TTN: variants seen among roughly 807,000 people sequenced by gnomAD.
TTN encodes connectin.
A neutral mutation model predicts 3,223.0 loss-of-function variants in TTN; 1,525 were observed. The ratio of observed to expected loss-of-function variants is 0.47; its 90% CI spans 0.45 to 0.49. TTN has a LOEUF of 0.49. TTN is among the 20% of genes least tolerant of loss of function. The pLI is 0.00. For missense variants in TTN, 40,786 were observed against 43,424.0 expected (o/e 0.94, Z 5.40); for synonymous variants, 14,094 against 15,161.0 (o/e 0.93, Z 5.17).
In TTN at chr2:178,578,690, G is replaced by A; in HGVS notation, c.68250C>T (p.Pro22750=). 1 of 1,611,142 alleles carries A rather than the reference G, an allele frequency of 6.2e-7. No individual in the cohort carries two copies. The highest frequency in any genetic ancestry group is 8.5e-7 in the Non-Finnish European group (1 of 1,178,916). Residue 22750 remains proline, a synonymous_variant, in exon 321 of 363, where the codon CCC becomes CCT. Coordinates refer to ENST00000589042, the MANE Select transcript of TTN (RefSeq NM_001267550.2). ...PFDVPDAPPP[P]NIVDVRHDSV... The stretch of plus-strand genomic sequence containing the variant: ...AATCGTGTCTGACATCCACAATATT[G>A]GGAGGTGGGGGAGCATCAGGCACAT...
chr2:178,620,087 T>C lies in TTN; in HGVS notation c.46330A>G (p.Ile15444Val), dbSNP rs1333036641. 6.2e-7 allele frequency: 1 copy of C among 1,610,626 alleles called. No individual in the cohort carries two copies. The highest frequency in any genetic ancestry group is 2.2e-5 in the East Asian group (1 of 44,650). Residue 15444 changes from isoleucine (I) to valine (V), a missense_variant, in exon 249 of 363, where the codon ATA (isoleucine) becomes GTA (valine). Coordinates refer to ENST00000589042, the MANE Select transcript of TTN (RefSeq NM_001267550.2). ...CAATCTTTTATAATGAGTCTGTGTA[T>C]ACTTCCATCTTTTTCAAATTTGTAT... is the stretch of plus-strand genomic sequence containing the variant. ...KKYKFEKDGS[I>V]HRLIIKDCRL...
intron 47 of TTN, chr2:178,750,357 TAATAGA>T: frequency 1.2e-6 from 2 of 1,613,252 alleles, no homozygotes; most frequent in Non-Finnish European, 1.7e-6. Flanking sequence ...AGCACACAAG[TAATAGA>T]ACCTTCATTC....
In TTN at chr2:178,580,332, C is replaced by T; in HGVS notation, c.67047G>A (p.Val22349=). The T allele has an allele frequency of 6.2e-7, 1 of 1,612,520 alleles. No individual in the cohort carries two copies. The highest frequency in any genetic ancestry group is 8.5e-7 in the Non-Finnish European group (1 of 1,179,286). ...SCGKKEYTIV[V]KVLDTPGPPV... ...TTGAAATAGACTTACCAAGCACTTT[C>T]ACAACAATGGTATATTCCTTTTTAC... The change falls in exon 317 of 363, where the codon GTG becomes GTA. Residue 22349 remains valine (V), a synonymous_variant. Transcript: ENST00000589042.
At position 178,594,743 on chromosome 2, in the gene TTN, A is replaced by G. The variant is rs1232078934; in HGVS notation, c.57848-97T>C. The G allele has an allele frequency of 1.1e-5, 11 of 1,003,754 alleles. No homozygotes were observed. In the East Asian group the frequency reaches 2.5e-4, roughly 22 times the overall value. 62.2% of individuals were successfully genotyped at this position (1,003,754 alleles called of 1,614,324 possible). On this transcript the variant is annotated intron_variant, in intron 295 of 362. Coordinates refer to ENST00000589042, the MANE Select transcript of TTN (RefSeq NM_001267550.2). The stretch of plus-strand genomic sequence containing the variant: ...ATTCCTTTTCTGAAGATTGCATTTA[A>G]ACATTAAACTCTCTGCTCCCATAAA...
chr2:178,557,008 C>G lies in TTN; in HGVS notation c.88146G>C (p.Trp29382Cys), dbSNP rs937554101. ...VERRDLPDGR[W>C]TKASFTNVTE... ...TAACATTGGTGAAGCTGGCCTTGGT[C>G]CATCTGCCATCTGGAAGGTCACGTC... Residue 29382 changes from tryptophan (W) to cysteine (C), a missense_variant, in exon 330 of 363, where the codon TGG (tryptophan) becomes TGC (cysteine). By Grantham distance (215) the Trp-to-Cys change is radical. Coordinates refer to ENST00000589042, the MANE Select transcript of TTN (RefSeq NM_001267550.2). 10 of 1,613,634 alleles carry G rather than the reference C, an allele frequency of 6.2e-6. No individual in the cohort carries two copies. The highest frequency in any genetic ancestry group is 1.3e-5 in the African/African-American group (1 of 74,894).
At chr2:178,746,382 G>A in intron 47 of TTN, 2 of 1,610,158 alleles carry the variant, frequency 1.2e-6, no homozygotes, top group East Asian at 2.2e-5. Context: ...ATACTTTTAT[G>A]GTCAGGAGTA....
In TTN at chr2:178,531,687, G is replaced by A; in HGVS notation, c.104928C>T (p.Tyr34976=). The change falls in exon 358 of 363, where the codon TAC becomes TAT. Residue 34976 remains tyrosine (Y), a synonymous_variant. Transcript: ENST00000589042. ...QSKPTAEVKW[Y]HNGVELQESS... is the part of the protein sequence containing the mutation. ...TTTCTTGGAGTTCCACACCATTGTG[G>A]TACCATTTAACCTCGGCAGTTGGCT... is the stretch of plus-strand genomic sequence containing the variant. 1.2e-6 allele frequency: 2 copies of A among 1,613,948 alleles called. No homozygotes were observed. The highest frequency in any genetic ancestry group is 1.7e-6 in the Non-Finnish European group (2 of 1,179,866).
chr2:178,753,004 G>T, intron 47 of TTN, 120 bp downstream of exon 47: 2 of 743,560 alleles, frequency 2.7e-6, no homozygotes, highest in Non-Finnish European at 4.5e-6. Context: ...TACTCTAAGA[G>T]ATATATTTGT....
In TTN at chr2:178,566,754, T is replaced by G; in HGVS notation, c.79378A>C (p.Arg26460=). ...GLTEDHEYEF[R]VSAENAAGVG... ...CCAGCAGCATTTTCTGCAGAGACCC[T>G]GAATTCATACTCATGATCTTCTGTT... The change falls in exon 326 of 363, where the codon AGG becomes CGG. Residue 26460 remains arginine (R), a synonymous_variant. Transcript: ENST00000589042. 1 of 1,613,422 alleles carries G rather than the reference T, an allele frequency of 6.2e-7. No individual in the cohort carries two copies. The highest frequency in any genetic ancestry group is 8.5e-7 in the Non-Finnish European group (1 of 1,179,682).
intron 29 of TTN, 99 bp downstream of exon 29, chr2:178,774,822 A>T: frequency 1.4e-6 from 2 of 1,379,758 alleles, no homozygotes; most frequent in Non-Finnish European, 2.0e-6. Context: ...ATTTCCAAAT[A>T]ATTGTTTCAT....
chr2:178,671,049 T>C (rs759456174), intron 156 of TTN, 41 bp downstream of exon 156: 25 of 1,472,544 alleles, frequency 1.7e-5, no homozygotes, highest in Non-Finnish European at 2.2e-5. Context: ...AAGGTGCTAT[T>C]GTATGTAAAG....
rs77643383 is a variant in TTN, at chr2:178,707,361, T to C, written c.29041+165A>G. On this transcript the variant is annotated intron_variant, in intron 100 of 362. Transcript: ENST00000589042. ...ATACTTTGTATTGACATTATTTCTG[T>C]TAAATTACCTAATATTTCAATTATA... Among the ~76,000 whole-genome samples, 1,906 of 152,326 alleles carry C rather than the reference T, an allele frequency of 0.013. 17 individuals are homozygous for C. The highest frequency in any genetic ancestry group is 0.021 in the Non-Finnish European group (1,413 of 68,026).
rs1364212803 is a variant in TTN, at chr2:178,731,115, C to G, written c.17550G>C (p.Lys5850Asn). Residue 5850 changes from lysine to asparagine, a missense_variant, in exon 60 of 363, where the codon AAG becomes AAC. Lys to Asn is a moderately conservative substitution (Grantham distance 94). Coordinates refer to ENST00000589042, the MANE Select transcript of TTN (RefSeq NM_001267550.2). ...ATLQVKFSGT[K>N]EITAKWFKDG... ...CTTTAAACCATTTGGCTGTAATCTCCTTAGTCCCTGAAAATTTAACCTGCA... is the reference window on the plus strand; with the variant it reads ...CTTTAAACCATTTGGCTGTAATCTCGTTAGTCCCTGAAAATTTAACCTGCA... 8.1e-6 allele frequency: 13 copies of G among 1,613,584 alleles called. No individual in the cohort carries two copies. The highest frequency in any genetic ancestry group is 1.1e-5 in the Non-Finnish European group (13 of 1,179,730).
intron 41 of TTN, among the ~76,000 whole-genome samples, chr2:178,765,159 T>C (rs562259133): frequency 8.7e-4 from 132 of 152,322 alleles, no homozygotes; most frequent in African/African-American, 3.1e-3. Flanking sequence ...GTGTGCTACC[T>C]ATTTTTAAAA....
chr2:178,738,710 G>A (rs1345846076), intron 48 of TTN, among the ~76,000 whole-genome samples: 2 of 151,966 alleles, frequency 1.3e-5, no homozygotes, highest in Admixed American at 6.6e-5. Context: ...TAAATAAAGT[G>A]ATGAAGTGAA....
intron 259 of TTN, 58 bp from the exon 260 acceptor site, chr2:178,615,026 A>G: frequency 7.0e-7 from 1 of 1,436,146 alleles, no homozygotes; most frequent in Non-Finnish European, 9.5e-7. Flanking sequence ...TTCATTGTGT[A>G]GTACTCATAA....
chr2:178,643,526 T>C (rs1171111893), intron 218 of TTN, among the ~76,000 whole-genome samples: 1 of 151,984 alleles, frequency 6.6e-6, no homozygotes, highest in African/African-American at 2.4e-5. Flanking sequence ...ATCTAATTAA[T>C]GTAAAGTGAG....
rs397517616 is a variant in TTN at position 178,605,047 on chromosome 2, T to G, written c.54130A>C (p.Thr18044Pro). 2 of 1,611,920 alleles carry G rather than the reference T, an allele frequency of 1.2e-6. No homozygotes were observed. The highest frequency in any genetic ancestry group is 3.3e-5 in the Admixed American group (2 of 59,900). ...CCAAGGCGATTGGAAGCAGTAACTG[T>G]GTAAGTGCCTTTGTCCTCCCGGACC... ...KAVREDKGTYTVTASNRLGSV... is the reference protein window; with the variant it reads ...KAVREDKGTYPVTASNRLGSV... Residue 18044 changes from threonine to proline, a missense_variant, in exon 280 of 363, where the codon ACA becomes CCA. Coordinates refer to ENST00000589042, the MANE Select transcript of TTN (RefSeq NM_001267550.2).
At chr2:178,591,914 A>G in intron 302 of TTN, 22 bp from the exon 303 acceptor site, 1 of 1,605,418 alleles carries the variant, frequency 6.2e-7, no homozygotes, top group Non-Finnish European at 8.5e-7. Flanking sequence ...AGAAGTTATG[A>G]TGAAAAAGTA....
Sources: gnomAD v4.1 joint callset for allele counts (sites outside exome capture counted in the v4.1 genomes callset) on GRCh38, gnomAD v4.1.1 for gene constraint, MANE v1.5 for transcripts, NCBI Gene and HGNC (gene_info 2026-07-23, HGNC 2026-07-21) for gene names.